Variants in BICC1 observed in about 807,000 individuals in gnomAD.
BICC1 encodes the protein BicC family RNA binding protein 1, also known as protein bicaudal C homolog 1.
A neutral mutation model predicts 111.0 loss-of-function variants in BICC1; 43 were observed. That is an observed-to-expected ratio of 0.39 (90% confidence interval 0.30 to 0.50). The LOEUF is 0.50. Among genes scored for constraint, BICC1 ranks in the 20% least tolerant of loss-of-function variants. The probability of loss-of-function intolerance (pLI) is 0.88; values close to 1 mark genes in which losing one functional copy is unlikely to be tolerated. For missense variants in BICC1, 1,091 were observed against 1,203.2 expected, an observed-to-expected ratio of 0.91 and a Z score of 1.38; for synonymous variants, 467 against 434.4, an observed-to-expected ratio of 1.07 and a Z score of -0.93.
intron 2 of BICC1, among the ~76,000 whole-genome samples, chr10:58,701,500 G>A (rs1438929853): frequency 6.6e-6 from 1 of 152,114 alleles, no homozygotes. Flanking sequence ...AGGACCTTTG[G>A]CAAAAATGCC....
chr10:58,691,576 A>G (rs1839908652), intron 2 of BICC1, among the ~76,000 whole-genome samples: 1 of 152,176 alleles, frequency 6.6e-6, no homozygotes, highest in South Asian at 2.1e-4. Flanking sequence ...TTTTTGCATA[A>G]GGAAAATAGG....
chr10:58,585,599 G>C (rs1288108805), intron 1 of BICC1, among the ~76,000 whole-genome samples: 1 of 152,130 alleles, frequency 6.6e-6, no homozygotes, highest in Non-Finnish European at 1.5e-5. Flanking sequence ...CAGGGGACCA[G>C]TGGATCTCAT....
At chr10:58,798,887 A>T (rs1459541215) in intron 11 of BICC1, among the ~76,000 whole-genome samples, 169 bp from the exon 12 acceptor site, 1 of 152,164 alleles carries the variant, frequency 6.6e-6, no homozygotes, top group East Asian at 1.9e-4. Flanking sequence ...GTCCGATTTT[A>T]ACACTCTTTT....
intron 3 of BICC1, among the ~76,000 whole-genome samples, chr10:58,769,908 T>C (rs1021448599): frequency 6.6e-6 from 1 of 152,172 alleles, no homozygotes; most frequent in African/African-American, 2.4e-5. Flanking sequence ...TTGTGGACTT[T>C]CGTACTGATT....
At chr10:58,809,715 G>A (rs990199808) in intron 17 of BICC1, among the ~76,000 whole-genome samples, 6 of 152,126 alleles carry the variant, frequency 3.9e-5, no homozygotes, top group Non-Finnish European at 7.4e-5. Context: ...ATATCTTAGG[G>A]TATTATGTGA....
intron 3 of BICC1, among the ~76,000 whole-genome samples, chr10:58,712,920 C>A (rs1237129071): frequency 6.6e-6 from 1 of 151,822 alleles, no homozygotes; most frequent in Non-Finnish European, 1.5e-5. Flanking sequence ...TGCTCTGAGC[C>A]GGAAACTGCC....
intron 3 of BICC1, among the ~76,000 whole-genome samples, chr10:58,773,912 C>T (rs941301603): frequency 5.3e-5 from 8 of 152,168 alleles, no homozygotes; most frequent in Non-Finnish European, 1.0e-4. Flanking sequence ...GTTTGGGAGA[C>T]ATTGGAAAAT....
At chr10:58,736,059 A>G (rs1471112412) in intron 3 of BICC1, among the ~76,000 whole-genome samples, 1 of 152,164 alleles carries the variant, frequency 6.6e-6, no homozygotes, top group Non-Finnish European at 1.5e-5. Flanking sequence ...GGGGTGCCTG[A>G]GAGAGCAGCA....
intron 3 of BICC1, among the ~76,000 whole-genome samples, chr10:58,705,688 T>C (rs773930741): frequency 1.3e-5 from 2 of 152,250 alleles, no homozygotes; most frequent in African/African-American, 2.4e-5. Flanking sequence ...TAAGGAACTA[T>C]AGAATTATTT....
intron 3 of BICC1, among the ~76,000 whole-genome samples, chr10:58,743,947 C>A (rs2393484): frequency 1 from 151,867 of 152,252 alleles, 75,742 homozygotes; most frequent in Middle Eastern, 1. Context: ...CGTGACAACA[C>A]AACTTAAGCA....
chr10:58,784,902 A>G (rs1051449703), intron 3 of BICC1, 99 bp from the exon 4 acceptor site: 1 of 473,908 alleles, frequency 2.1e-6, no homozygotes, highest in African/African-American at 2.0e-5. Context: ...TTATTATGGA[A>G]CCTCTTATGT....
intron 1 of BICC1, among the ~76,000 whole-genome samples, chr10:58,585,735 T>C (rs1386255969): frequency 4.6e-5 from 7 of 152,180 alleles, no homozygotes; most frequent in African/African-American, 1.7e-4. Context: ...ATCTCAGATA[T>C]GGACTTGTGA....
At chr10:58,734,831 T>G (rs1253730273) in intron 3 of BICC1, among the ~76,000 whole-genome samples, 2 of 152,188 alleles carry the variant, frequency 1.3e-5, no homozygotes, top group African/African-American at 4.8e-5. Context: ...AATACCTATT[T>G]TAGGAAGGCT....
intron 3 of BICC1, among the ~76,000 whole-genome samples, chr10:58,738,864 T>C (rs1050762887): frequency 5.3e-5 from 8 of 151,852 alleles, no homozygotes; most frequent in Non-Finnish European, 8.8e-5. Context: ...TGAATGGGAG[T>C]TCACTCATGA....
chr10:58,542,035 T>A (rs1192928131), intron 1 of BICC1, among the ~76,000 whole-genome samples: 1 of 150,858 alleles, frequency 6.6e-6, no homozygotes, highest in Non-Finnish European at 1.5e-5. Context: ...CCTTTGGTCC[T>A]AGCTAATCTG....
intron 2 of BICC1, among the ~76,000 whole-genome samples, chr10:58,653,965 A>G (rs1254891612): frequency 6.6e-6 from 1 of 151,402 alleles, no homozygotes; most frequent in Non-Finnish European, 1.5e-5. Flanking sequence ...GTTTATTGAG[A>G]ATGATGATTT....
chr10:58,550,297 C>T (rs1421881057), intron 1 of BICC1, among the ~76,000 whole-genome samples: 1 of 152,196 alleles, frequency 6.6e-6, no homozygotes, highest in Non-Finnish European at 1.5e-5. Flanking sequence ...GCTAGGGCTA[C>T]AGGCATGAGT....
At position 58,829,037 on chromosome 10, in the gene BICC1, A is replaced by G. The variant is rs1221505716; in HGVS notation, c.*146A>G. On this transcript the variant is annotated 3_prime_UTR_variant, in exon 21 of 21. Coordinates refer to ENST00000373886, the MANE Select transcript of BICC1 (RefSeq NM_001080512.3). ...TTTATTCGCACCTGTACTTTATGGCAAAAAGGAAGAAGAGAGAGAAGATGT... is the reference window on the plus strand; with the variant it reads ...TTTATTCGCACCTGTACTTTATGGCGAAAAGGAAGAAGAGAGAGAAGATGT... The G allele has an allele frequency of 1.2e-6, 1 of 852,748 alleles. No individual in the cohort carries two copies. The highest frequency in any genetic ancestry group is 2.7e-5 in the East Asian group (1 of 37,182). The allele number at this position is 852,748 out of a possible 1,614,324, so 52.8% of individuals were successfully genotyped here.
chr10:58,730,882 C>G (rs942859560), intron 3 of BICC1, among the ~76,000 whole-genome samples: 5 of 152,100 alleles, frequency 3.3e-5, no homozygotes, highest in South Asian at 2.1e-4. Context: ...ATTCAGCCCC[C>G]CTAGGCCTCC....
Sources: gnomAD v4.1 joint callset for allele counts (sites outside exome capture counted in the v4.1 genomes callset) on GRCh38, gnomAD v4.1.1 for gene constraint, MANE v1.5 for transcripts, NCBI Gene and HGNC (gene_info 2026-07-23, HGNC 2026-07-21) for gene names.